The following DNASE2B variants were observed in gnomAD, a reference collection of about 807,000 sequenced individuals.
DNASE2B encodes deoxyribonuclease-2-beta.
A neutral mutation model predicts 46.0 loss-of-function variants in DNASE2B; 43 were observed. The observed-to-expected ratio is 0.94, with a 90% CI of 0.73 to 1.21. The LOEUF is 1.21. Among genes scored for constraint, DNASE2B ranks in the 50% most tolerant of loss-of-function variants. The probability of loss-of-function intolerance (pLI) is 0.00; values close to 1 mark genes in which losing one functional copy is unlikely to be tolerated. For synonymous variants in DNASE2B, 156 were observed against 152.5 expected (o/e 1.02, Z -0.17); for missense variants, 395 against 414.4 (o/e 0.95, Z 0.41).
At chr1:84,407,110 T>C (rs1217047449) in intron 2 of DNASE2B, among the ~76,000 whole-genome samples, 2 of 152,202 alleles carry the variant, frequency 1.3e-5, no homozygotes, top group African/African-American at 4.8e-5. Context: ...CTTAAGTCCA[T>C]GATCTTTTCC....
At chr1:84,405,817 T>C (rs533281746) in intron 2 of DNASE2B, among the ~76,000 whole-genome samples, 11 of 152,316 alleles carry the variant, frequency 7.2e-5, no homozygotes, top group African/African-American at 2.6e-4. Context: ...CTACAGTTAA[T>C]TTAATGCAGT....
In DNASE2B at chr1:84,408,491, T is replaced by C; in HGVS notation, c.358T>C (p.Tyr120His). 1.2e-6 allele frequency: 2 copies of C among 1,611,222 alleles called. No homozygotes were observed. The highest frequency in any genetic ancestry group is 1.7e-6 in the Non-Finnish European group (2 of 1,178,410). ...TGATGGAGTCCCTAAACCTGTGAATTACAGCAGAAAGTATGGACACACCAA... is the reference window on the plus strand; with the variant it reads ...TGATGGAGTCCCTAAACCTGTGAATCACAGCAGAAAGTATGGACACACCAA... ...YNDGVPKPVNYSRKYGHTKGL... is the reference protein window; with the variant it reads ...YNDGVPKPVNHSRKYGHTKGL... The change falls in exon 3 of 6, where the codon TAC becomes CAC. Residue 120 changes from tyrosine to histidine, a missense_variant. Tyr to His is a moderately conservative substitution (Grantham distance 83, BLOSUM62 2). Coordinates refer to ENST00000370665, the MANE Select transcript of DNASE2B (RefSeq NM_021233.3).
intron 5 of DNASE2B, 83 bp from the exon 6 acceptor site, chr1:84,414,445 T>C: frequency 2.5e-6 from 3 of 1,213,934 alleles, no homozygotes; most frequent in Non-Finnish European, 3.4e-6. Context: ...GGGTGAAAGA[T>C]GATTTCCATT....
Position 84,406,707 on chromosome 1 carries a change from T to C in DNASE2B, c.304-1730T>C, listed in dbSNP as rs12058818. Among the ~76,000 whole-genome samples the C allele has an allele frequency of 4.2e-3, 633 of 152,302 alleles. 8 individuals are homozygous for C. The highest frequency in any genetic ancestry group is 0.015 in the African/African-American group (615 of 41,550). On this transcript the variant is annotated intron_variant, in intron 2 of 5. Transcript: ENST00000370665. ...GCAGTTGGTGATATCCAGGTATGAC[T>C]CAGTGTTCTTTGGAAGCTGGAATTA... is the stretch of plus-strand genomic sequence containing the variant.
At chr1:84,408,817 TA>T (rs1353092761) in intron 3 of DNASE2B, among the ~76,000 whole-genome samples, 1 of 648 alleles carries the variant, frequency 1.5e-3, no homozygotes, top group African/African-American at 4.5e-3. Context: ...CCAGCAATTT[TA>T]TATATATATA....
intron 2 of DNASE2B, among the ~76,000 whole-genome samples, chr1:84,406,816 T>G (rs2101850251): frequency 6.6e-6 from 1 of 152,320 alleles, no homozygotes; most frequent in Non-Finnish European, 1.5e-5. Context: ...AATGCAAGAT[T>G]AGACCAACTG....
Position 84,405,853 on chromosome 1 carries a change from T to C in DNASE2B, c.304-2584T>C, listed in dbSNP as rs762878846. Among the ~76,000 whole-genome samples the C allele has an allele frequency of 3.7e-4, 56 of 152,304 alleles. No homozygotes were observed. In the South Asian group the frequency reaches 4.6e-3, roughly 12 times the overall value. On this transcript the variant is annotated intron_variant, in intron 2 of 5. Coordinates refer to ENST00000370665, the MANE Select transcript of DNASE2B (RefSeq NM_021233.3). Reference sequence around the variant, plus strand: ...TATGACTTAGTACTGCATATTTATGTTTGTTTATATTTCTTGACTGTGAAT... The same window carrying C: ...TATGACTTAGTACTGCATATTTATGCTTGTTTATATTTCTTGACTGTGAAT...
rs1348901214 is a variant in DNASE2B at position 84,414,889 on chromosome 1, T to A, written c.*21T>A. Reference sequence around the variant, plus strand: ...AGTAAACTTGGTGAAAGGACACAGGTACTATCATTGAAAACCTTGACAATG... The same window carrying A: ...AGTAAACTTGGTGAAAGGACACAGGAACTATCATTGAAAACCTTGACAATG... On this transcript the variant is annotated 3_prime_UTR_variant, in exon 6 of 6. Coordinates refer to ENST00000370665, the MANE Select transcript of DNASE2B (RefSeq NM_021233.3). 1.3e-6 allele frequency: 2 copies of A among 1,567,074 alleles called. No individual in the cohort carries two copies. The highest frequency in any genetic ancestry group is 2.7e-5 in the African/African-American group (2 of 73,454).
chr1:84,412,601 T>C (rs1680621212), intron 5 of DNASE2B, 55 bp downstream of exon 5: 1 of 1,393,898 alleles, frequency 7.2e-7, no homozygotes, highest in African/African-American at 1.5e-5. Flanking sequence ...TTGAACTGAC[T>C]AGGGATAGCT....
Position 84,412,470 on chromosome 1 carries a change from C to G in DNASE2B, c.669C>G (p.Gly223=). 1 of 1,613,986 alleles carries G rather than the reference C, an allele frequency of 6.2e-7. No individual in the cohort carries two copies. Among genetic ancestry groups the G allele is most frequent in the South Asian group, 1.1e-5 (1 of 91,038 alleles). Reference sequence around the variant, plus strand: ...GGGCCAGCTCATCAGAGATTCCTGGCAGGCTCCTCACCACACTTCAGTCGG... The same window carrying G: ...GGGCCAGCTCATCAGAGATTCCTGGGAGGCTCCTCACCACACTTCAGTCGG... ...CTRASSSEIP[G]RLLTTLQSAQ... Residue 223 remains glycine (G), a synonymous_variant, in exon 5 of 6, where the codon GGC becomes GGG. Transcript: ENST00000370665.
chr1:84,411,442 G>T (rs1409549339), intron 4 of DNASE2B, among the ~76,000 whole-genome samples: 3 of 6,546 alleles, frequency 4.6e-4, no homozygotes, highest in African/African-American at 2.6e-3. Flanking sequence ...GTGTGTGTGT[G>T]TGTGTGTGTG....
Position 84,398,494 on chromosome 1 carries a change from C to G in DNASE2B, c.-71C>G. The G allele has an allele frequency of 6.3e-7, 1 of 1,586,858 alleles. No homozygotes were observed. Among genetic ancestry groups the G allele is most frequent in the African/African-American group, 1.3e-5 (1 of 74,394 alleles). ...ATCAAATCAAACGTCAGAGCCAGCA[C>G]AGCCTGAGAGCGCCTTGAAACTCAG... On this transcript the variant is annotated 5_prime_UTR_variant, in exon 1 of 6. Coordinates refer to ENST00000370665, the MANE Select transcript of DNASE2B (RefSeq NM_021233.3).
intron 3 of DNASE2B, among the ~76,000 whole-genome samples, chr1:84,410,385 TATTGTGAGTAC>T (rs1452210752): frequency 6.6e-6 from 1 of 152,208 alleles, no homozygotes; most frequent in African/African-American, 2.4e-5. Context: ...TATAACAAAT[TATTGTGAGTAC>T]ATTTCTTCAT....
chr1:84,414,799 T>C lies in DNASE2B; in HGVS notation c.1017T>C (p.Ile339=). 1.2e-6 allele frequency: 2 copies of C among 1,614,136 alleles called. No homozygotes were observed. The highest frequency in any genetic ancestry group is 1.7e-6 in the Non-Finnish European group (2 of 1,180,018). ...PHQAFRSGGF[I]CTQNWQIYQA... is the part of the protein sequence containing the mutation. ...AAGCCTTCAGAAGTGGAGGATTCAT[T>C]TGTACCCAGAATTGGCAAATTTACC... The change falls in exon 6 of 6, where the codon ATT becomes ATC. Residue 339 remains isoleucine, a synonymous_variant. Transcript: ENST00000370665.
At chr1:84,400,234 G>A (rs1680381704) in intron 1 of DNASE2B, among the ~76,000 whole-genome samples, 2 of 152,124 alleles carry the variant, frequency 1.3e-5, no homozygotes, top group Admixed American at 1.3e-4. Context: ...CAGGCATGGT[G>A]ACGCATGCCT....
At position 84,414,550 on chromosome 1, in the gene DNASE2B, TC is replaced by T. The variant is rs1202595177; in HGVS notation, c.769del (p.Gln257AsnfsTer3). ...LDDIFAAWMAQRLKTHLLTET... is the reference protein window; with the variant it reads ...LDDIFAAWMAXRLKTHLLTET... Reference sequence around the variant, plus strand: ...TAGACATCTTTGCAGCCTGGATGGCTCAACGGCTGAAGACACACTTGTTAAC... The same window carrying T: ...TAGACATCTTTGCAGCCTGGATGGCTAACGGCTGAAGACACACTTGTTAAC... On this transcript the variant is annotated frameshift_variant, in exon 6 of 6. Transcript: ENST00000370665. LOFTEE classifies it high-confidence loss of function. 1.2e-6 allele frequency: 2 copies of T among 1,612,200 alleles called. No individual in the cohort carries two copies. The highest frequency in any genetic ancestry group is 1.7e-6 in the Non-Finnish European group (2 of 1,179,072).
intron 1 of DNASE2B, among the ~76,000 whole-genome samples, chr1:84,400,143 C>G (rs1021241263): frequency 3.3e-5 from 5 of 152,114 alleles, no homozygotes; most frequent in African/African-American, 9.7e-5. Flanking sequence ...CCTAGGCAGA[C>G]AGATCACCTG....
chr1:84,412,450 A>G lies in DNASE2B; in HGVS notation c.649A>G (p.Ser217Gly), dbSNP rs762619086. 9 of 1,613,858 alleles carry G rather than the reference A, an allele frequency of 5.6e-6. No homozygotes were observed. Among genetic ancestry groups the G allele is most frequent in the Middle Eastern group, 1.6e-4 (1 of 6,082 alleles). Residue 217 changes from serine (S) to glycine (G), a missense_variant, in exon 5 of 6, where the codon AGC (serine) becomes GGC (glycine). Transcript: ENST00000370665. ...CATGCCCCAGCTGTGCACCAGGGCC[A>G]GCTCATCAGAGATTCCTGGCAGGCT... is the stretch of plus-strand genomic sequence containing the variant. ...IHMPQLCTRA[S>G]SSEIPGRLLT...
chr1:84,406,005 T>A (rs1013414896), intron 2 of DNASE2B, among the ~76,000 whole-genome samples: 4 of 152,160 alleles, frequency 2.6e-5, no homozygotes, highest in Admixed American at 1.3e-4. Flanking sequence ...ATTGTATGCA[T>A]TCATAATGTA....
Sources: allele counts gnomAD v4.1 joint callset (sites outside exome capture counted in the v4.1 genomes callset), GRCh38; gene constraint gnomAD v4.1.1; transcripts MANE v1.5; gene names NCBI Gene and HGNC (gene_info 2026-07-23, HGNC 2026-07-21).